Variants in ANKS1B observed in about 807,000 individuals in gnomAD.
ANKS1B encodes ankyrin repeat and sterile alpha motif domain-containing protein 1B.
A neutral mutation model predicts 148.3 loss-of-function variants in ANKS1B; 36 were observed. The observed-to-expected ratio is 0.24, with a 90% CI of 0.19 to 0.32. The LOEUF (loss-of-function observed/expected upper bound fraction) is 0.32, where lower values mean the gene tolerates loss of function less well. ANKS1B is among the 10% of genes least tolerant of loss of function. The probability of loss-of-function intolerance (pLI) is 1.00; values close to 1 mark genes in which losing one functional copy is unlikely to be tolerated. For synonymous variants in ANKS1B, 542 were observed against 560.8 expected (o/e 0.97, Z 0.47); for missense variants, 1,157 against 1,542.6 (o/e 0.75, Z 4.19).
At chr12:99,127,570 G>A (rs2064784316) in intron 15 of ANKS1B, among the ~76,000 whole-genome samples, 1 of 152,202 alleles carries the variant, frequency 6.6e-6, no homozygotes, top group South Asian at 2.1e-4. Flanking sequence ...CCCTGAGAGG[G>A]TTGCCTTCAG....
chr12:99,260,774 G>T (rs564612616), intron 12 of ANKS1B, among the ~76,000 whole-genome samples: 1 of 152,222 alleles, frequency 6.6e-6, no homozygotes, highest in East Asian at 1.9e-4. Context: ...ATCATTTATG[G>T]TTATCTTTCA....
At chr12:99,231,881 T>C (rs966432887) in intron 14 of ANKS1B, among the ~76,000 whole-genome samples, 1 of 152,022 alleles carries the variant, frequency 6.6e-6, no homozygotes, top group African/African-American at 2.4e-5. Context: ...AAGGGACATA[T>C]TTAGGAGAAA....
At chr12:99,538,038 G>A (rs903157385) in intron 9 of ANKS1B, among the ~76,000 whole-genome samples, 2 of 151,956 alleles carry the variant, frequency 1.3e-5, no homozygotes, top group Non-Finnish European at 2.9e-5. Context: ...GTATGTTCTT[G>A]GCACTTTTGT....
chr12:99,816,650 T>C (rs1205029202), intron 2 of ANKS1B, among the ~76,000 whole-genome samples: 1 of 151,792 alleles, frequency 6.6e-6, no homozygotes, highest in African/African-American at 2.4e-5. Context: ...TTAAAACATA[T>C]TTGTGAAATA....
chr12:98,745,487 G>C lies in ANKS1B; in HGVS notation c.*252C>G. 1 of 1,172,316 alleles carries C rather than the reference G, an allele frequency of 8.5e-7. No homozygotes were observed. Among genetic ancestry groups the C allele is most frequent in the Non-Finnish European group, 1.1e-6 (1 of 947,348 alleles). 72.6% of individuals were successfully genotyped at this position (1,172,316 alleles called of 1,614,324 possible). ...ATACCTTGGGAGGTGGTGGGGAGGG[G>C]AGTCGGGAGCATCAGGGAAAACCCA... On this transcript the variant is annotated 3_prime_UTR_variant, in exon 27 of 27. Transcript: ENST00000683438.
intron 14 of ANKS1B, among the ~76,000 whole-genome samples, chr12:99,178,537 T>C: frequency 6.6e-6 from 1 of 152,348 alleles, no homozygotes. Flanking sequence ...CTTTTTACCC[T>C]TGGGGATGCT....
intron 12 of ANKS1B, among the ~76,000 whole-genome samples, chr12:99,292,773 G>A (rs1257748530): frequency 6.6e-6 from 1 of 152,194 alleles, no homozygotes; most frequent in Non-Finnish European, 1.5e-5. Context: ...CTGGGTATCA[G>A]AGAAATGCAA....
chr12:99,559,099 A>G (rs141052062), intron 9 of ANKS1B, among the ~76,000 whole-genome samples: 47 of 152,270 alleles, frequency 3.1e-4, no homozygotes, highest in African/African-American at 1.1e-3. Context: ...GCTTCAGCCC[A>G]GCAACTGAAT....
Position 98,744,867 on chromosome 12 carries a change from C to G in ANKS1B, c.*872G>C, listed in dbSNP as rs569601706. 1.0e-6 allele frequency: 1 copy of G among 985,202 alleles called. No individual in the cohort carries two copies. The highest frequency in any genetic ancestry group is 1.1e-4 in the East Asian group (1 of 8,816). The allele number at this position is 985,202 out of a possible 1,614,324, so 61.0% of individuals were successfully genotyped here. A position where few individuals can be genotyped will look rare whatever the true frequency, so the allele number is the denominator to read the frequency against. On this transcript the variant is annotated 3_prime_UTR_variant, in exon 27 of 27. Transcript: ENST00000683438. ...AACAATCTTGGCAGGCTGATGGCTGCGTCAGCACTTCCGGGCCTCCTGCTC... is the reference window on the plus strand; with the variant it reads ...AACAATCTTGGCAGGCTGATGGCTGGGTCAGCACTTCCGGGCCTCCTGCTC...
chr12:99,875,874 C>CT (rs2091994863), intron 1 of ANKS1B, among the ~76,000 whole-genome samples: 1 of 152,116 alleles, frequency 6.6e-6, no homozygotes, highest in Admixed American at 6.5e-5. Flanking sequence ...ACAAAATAGA[C>CT]TTTTTTATGT....
At chr12:99,529,281 G>A (rs2096963126) in intron 9 of ANKS1B, among the ~76,000 whole-genome samples, 1 of 152,118 alleles carries the variant, frequency 6.6e-6, no homozygotes, top group African/African-American at 2.4e-5. Flanking sequence ...ATGACAAAGA[G>A]GAGAATGTTC....
intron 14 of ANKS1B, among the ~76,000 whole-genome samples, chr12:99,192,637 G>C: frequency 6.6e-6 from 1 of 152,116 alleles, no homozygotes; most frequent in East Asian, 1.9e-4. Flanking sequence ...GAAATGAGTG[G>C]TCATAATATC....
intron 8 of ANKS1B, among the ~76,000 whole-genome samples, chr12:99,744,354 A>T (rs754219203): frequency 2.0e-5 from 3 of 152,212 alleles, no homozygotes; most frequent in Non-Finnish European, 2.9e-5. Context: ...AACTGGATCA[A>T]CAGAAGTTTC....
intron 18 of ANKS1B, 106 bp downstream of exon 18, chr12:98,831,923 T>C: frequency 9.4e-7 from 1 of 1,060,902 alleles, no homozygotes; most frequent in Non-Finnish European, 1.4e-6. Context: ...CTAAATTTTT[T>C]CTGTTTTCAG....
intron 9 of ANKS1B, among the ~76,000 whole-genome samples, chr12:99,636,559 AT>A (rs1207879949): frequency 5.3e-5 from 8 of 152,200 alleles, no homozygotes; most frequent in African/African-American, 1.7e-4. Flanking sequence ...ACTGGAGGCC[AT>A]TTTAAACAGT....
chr12:99,919,853 AGATT>A (rs1275895124), intron 1 of ANKS1B, among the ~76,000 whole-genome samples: 1 of 151,826 alleles, frequency 6.6e-6, no homozygotes, highest in Non-Finnish European at 1.5e-5. Flanking sequence ...AAAAATGTTT[AGATT>A]GATTACATAT....
intron 8 of ANKS1B, among the ~76,000 whole-genome samples, chr12:99,697,897 A>G (rs1424966025): frequency 6.6e-6 from 1 of 152,130 alleles, no homozygotes; most frequent in Non-Finnish European, 1.5e-5. Flanking sequence ...TTTACTCTAA[A>G]AAGTAAAGTC....
rs2372730 is a variant in ANKS1B, at chr12:99,123,290, G to A, written c.2526+30999C>T. Among the ~76,000 whole-genome samples the A allele has an allele frequency of 7.1e-3, 1,081 of 151,838 alleles. 14 individuals are homozygous for A. The highest frequency in any genetic ancestry group is 0.046 in the South Asian group (223 of 4,818). On this transcript the variant is annotated intron_variant, in intron 15 of 26. Transcript: ENST00000683438. Reference sequence around the variant, plus strand: ...ATGGTGACATTAGAGCAGAGATTTCGATGAATTGAATAAGAAAAGCTGTAG... The same window carrying A: ...ATGGTGACATTAGAGCAGAGATTTCAATGAATTGAATAAGAAAAGCTGTAG...
intron 17 of ANKS1B, among the ~76,000 whole-genome samples, chr12:99,015,805 G>T (rs2099942183): frequency 6.6e-6 from 1 of 152,174 alleles, no homozygotes; most frequent in African/African-American, 2.4e-5. Flanking sequence ...GGTAGAGCTT[G>T]CAGTGAGCTG....
Sources: gnomAD v4.1 joint callset for allele counts (sites outside exome capture counted in the v4.1 genomes callset) on GRCh38, gnomAD v4.1.1 for gene constraint, MANE v1.5 for transcripts, NCBI Gene and HGNC (gene_info 2026-07-23, HGNC 2026-07-21) for gene names.